The following MAN1C1 variants were observed in gnomAD, a reference collection of about 807,000 sequenced individuals.
MAN1C1 encodes the protein mannosidase alpha class 1C member 1.
MAN1C1 carries 49 observed loss-of-function variants against 71.5 expected under a neutral mutation model. That is an observed-to-expected ratio of 0.69 (90% CI 0.54 to 0.87). The LOEUF is 0.87. Among genes scored for constraint, MAN1C1 ranks in the 40% least tolerant of loss-of-function variants. MAN1C1 has a pLI of 0.00. For synonymous variants in MAN1C1, 352 were observed against 343.7 expected (o/e 1.02, Z -0.27); for missense variants, 743 against 835.0 (o/e 0.89, Z 1.36).
intron 1 of MAN1C1, among the ~76,000 whole-genome samples, chr1:25,641,505 G>A (rs1014643926): frequency 6.6e-6 from 1 of 152,226 alleles, no homozygotes; most frequent in African/African-American, 2.4e-5. Flanking sequence ...AACCGGTCTT[G>A]TGAATCTTTA....
At chr1:25,673,370 T>TCACA (rs2046020860) in intron 1 of MAN1C1, among the ~76,000 whole-genome samples, 1 of 152,172 alleles carries the variant, frequency 6.6e-6, no homozygotes, top group Admixed American at 6.5e-5. Context: ...ATTGTGGCTG[T>TCACA]GAGCACAGAC....
At chr1:25,774,187 C>G (rs537766188) in intron 8 of MAN1C1, among the ~76,000 whole-genome samples, 1 of 152,292 alleles carries the variant, frequency 6.6e-6, no homozygotes, top group East Asian at 1.9e-4. Context: ...GGTCAGAAAA[C>G]CACCAGGTTA....
intron 7 of MAN1C1, among the ~76,000 whole-genome samples, chr1:25,766,998 C>A (rs1032609893): frequency 1.2e-4 from 19 of 152,080 alleles, no homozygotes; most frequent in African/African-American, 3.6e-4. Context: ...TCACGGACAC[C>A]AGCTCGTGCC....
chr1:25,759,013 A>C, intron 6 of MAN1C1: 1 of 303,306 alleles, frequency 3.3e-6, no homozygotes. Flanking sequence ...CATATGTGAA[A>C]TCTGGAGAAA....
At chr1:25,704,711 T>C (rs1195096172) in intron 2 of MAN1C1, among the ~76,000 whole-genome samples, 1 of 152,250 alleles carries the variant, frequency 6.6e-6, no homozygotes, top group Non-Finnish European at 1.5e-5. Context: ...TACAGAGAGC[T>C]GATTTGTGCC....
At chr1:25,757,070 G>T (rs2047296427) in intron 5 of MAN1C1, among the ~76,000 whole-genome samples, 1 of 152,138 alleles carries the variant, frequency 6.6e-6, no homozygotes, top group Admixed American at 6.5e-5. Context: ...TGGGAGGCTG[G>T]TAAGTGTCCC....
intron 5 of MAN1C1, among the ~76,000 whole-genome samples, chr1:25,754,184 C>T (rs1396995062): frequency 6.6e-6 from 1 of 152,164 alleles, no homozygotes; most frequent in East Asian, 1.9e-4. Flanking sequence ...GGGCCATCCT[C>T]GAGGCCCTCC....
intron 6 of MAN1C1, among the ~76,000 whole-genome samples, chr1:25,763,397 G>T (rs1395901497): frequency 7.0e-6 from 1 of 142,988 alleles, no homozygotes; most frequent in African/African-American, 2.5e-5. Flanking sequence ...GCTGAGGCAC[G>T]AACATTGCTT....
Position 25,753,521 on chromosome 1 carries a change from T to C in MAN1C1, c.872T>C (p.Leu291Pro). ...RIKAIRLGEK[L>P]LPAFNTPTGI... ...AAGGCCATCAGGCTGGGAGAGAAGCTCCTGCCGGCGTTCAACACCCCCACG... is the reference window on the plus strand; with the variant it reads ...AAGGCCATCAGGCTGGGAGAGAAGCCCCTGCCGGCGTTCAACACCCCCACG... Residue 291 changes from leucine (L) to proline (P), a missense_variant, in exon 5 of 12, where the codon CTC (leucine) becomes CCC (proline). Leu to Pro is a moderately conservative substitution (Grantham distance 98). Transcript: ENST00000374332. This position sits in a 1 kb window ranked among gnomAD's most constrained non-coding sequence, Gnocchi z 4.9. 6.2e-7 allele frequency: 1 copy of C among 1,613,902 alleles called. No individual in the cohort carries two copies. Among genetic ancestry groups the C allele is most frequent in the Non-Finnish European group, 8.5e-7 (1 of 1,179,936 alleles).
Position 25,778,339 on chromosome 1 carries a change from G to A in MAN1C1, c.1477+15G>A, listed in dbSNP as rs2047648956. On this transcript the variant is annotated intron_variant, in intron 9 of 11. Transcript: ENST00000374332. The surrounding 1 kb of genome is among the most constrained non-coding windows in gnomAD (Gnocchi z 5.5). ...CGCCCGCTCAGGTAACCCTGCAAGG[G>A]GAAGGGGCAGCAGGAGAGACTGAGG... is the stretch of plus-strand genomic sequence containing the variant. 1 of 1,596,548 alleles carries A rather than the reference G, an allele frequency of 6.3e-7. No homozygotes were observed. The highest frequency in any genetic ancestry group is 1.1e-5 in the South Asian group (1 of 89,708).
At chr1:25,768,462 TCACA>T (rs753824773) in intron 7 of MAN1C1, among the ~76,000 whole-genome samples, 6 of 74,474 alleles carry the variant, frequency 8.1e-5, no homozygotes, top group Admixed American at 1.9e-4. Flanking sequence ...CACACTCCCC[TCACA>T]CACACACATT....
Position 25,735,632 on chromosome 1 carries a change from A to G in MAN1C1, c.638-11036A>G, listed in dbSNP as rs182407661. Among the ~76,000 whole-genome samples the G allele has an allele frequency of 1.9e-4, 29 of 152,330 alleles. No individual in the cohort carries two copies. The highest frequency in any genetic ancestry group is 5.2e-4 in the Admixed American group (8 of 15,298). On this transcript the variant is annotated intron_variant, in intron 2 of 11. Coordinates refer to ENST00000374332, the MANE Select transcript of MAN1C1 (RefSeq NM_020379.4). This position sits in a 1 kb window ranked among gnomAD's most constrained non-coding sequence, Gnocchi z 4.6. ...GGGTTGTATTATAACAAAGTATTCC[A>G]CAGTGAGAGGCAGACCACAGTGTTG...
chr1:25,622,980 A>G (rs773792446), intron 1 of MAN1C1, among the ~76,000 whole-genome samples: 20 of 152,224 alleles, frequency 1.3e-4, no homozygotes, highest in Non-Finnish European at 2.9e-4. Flanking sequence ...GATAATTAAT[A>G]TTAGGAACAG....
chr1:25,758,752 G>A (rs1557795821), intron 6 of MAN1C1, 43 bp downstream of exon 6: 2 of 1,551,904 alleles, frequency 1.3e-6, no homozygotes, highest in Non-Finnish European at 1.8e-6. Flanking sequence ...GCAGAGGGAT[G>A]AGCGTGCGGC....
At chr1:25,638,236 A>G (rs1027753430) in intron 1 of MAN1C1, among the ~76,000 whole-genome samples, 40 of 151,806 alleles carry the variant, frequency 2.6e-4, no homozygotes, top group Non-Finnish European at 2.9e-5. Flanking sequence ...TAGAATTTTC[A>G]TCCTTATCAC....
chr1:25,654,016 C>T (rs2045728546), intron 1 of MAN1C1, among the ~76,000 whole-genome samples: 1 of 152,138 alleles, frequency 6.6e-6, no homozygotes, highest in South Asian at 2.1e-4. Context: ...TTATCTGGCC[C>T]AACATGTCAG....
chr1:25,780,140 G>T (rs1572216331), intron 9 of MAN1C1, among the ~76,000 whole-genome samples: 1 of 152,296 alleles, frequency 6.6e-6, no homozygotes, highest in Non-Finnish European at 1.5e-5. Flanking sequence ...GCGTGAGAGG[G>T]ATAGTAGCAA....
At chr1:25,641,179 C>A (rs966903093) in intron 1 of MAN1C1, among the ~76,000 whole-genome samples, 1 of 152,292 alleles carries the variant, frequency 6.6e-6, no homozygotes, top group Non-Finnish European at 1.5e-5. Context: ...TCCCAGTGCG[C>A]GGGGTATTCT....
chr1:25,635,275 T>TG (rs201052466), intron 1 of MAN1C1, among the ~76,000 whole-genome samples: 304 of 151,614 alleles, frequency 2.0e-3, no homozygotes, highest in African/African-American at 5.4e-3. Context: ...GAAGTTTTTT[T>TG]GGGGGGGGTT....
Sources: gnomAD v4.1 joint callset for allele counts (sites outside exome capture counted in the v4.1 genomes callset) on GRCh38, gnomAD v4.1.1 for gene constraint, Gnocchi (gnomAD v3.1) non-coding constraint, MANE v1.5 for transcripts, NCBI Gene and HGNC (gene_info 2026-07-23, HGNC 2026-07-21) for gene names.